KLHL1: variants seen among roughly 807,000 people sequenced by gnomAD.
The protein encoded by KLHL1 is kelch-like protein 1.
KLHL1 carries 47 observed loss-of-function variants against 77.7 expected under a neutral mutation model. That is an observed-to-expected ratio of 0.60 (90% CI 0.48 to 0.77). KLHL1 has a LOEUF of 0.77. Ranked by LOEUF, KLHL1 falls within the 30% of genes least tolerant of loss-of-function variation. KLHL1 has a pLI of 0.00. For synonymous variants in KLHL1, 360 were observed against 325.2 expected, an observed-to-expected ratio of 1.11 and a Z score of -1.15; for missense variants, 925 against 910.8, an observed-to-expected ratio of 1.02 and a Z score of -0.20.
At chr13:70,073,831 TC>T (rs147481435) in intron 1 of KLHL1, among the ~76,000 whole-genome samples, 29,853 of 149,272 alleles carry the variant, frequency 0.2, 3,155 homozygotes, top group Admixed American at 0.27. Flanking sequence ...AACATAATTT[TC>T]TTTTTTTTTT....
At chr13:69,979,291 A>G (rs1356620051) in intron 1 of KLHL1, among the ~76,000 whole-genome samples, 1 of 152,070 alleles carries the variant, frequency 6.6e-6, no homozygotes, top group Non-Finnish European at 1.5e-5. Context: ...TTAATCTTTC[A>G]GATAAATGGT....
At chr13:69,840,891 C>G (rs1018040836) in intron 5 of KLHL1, among the ~76,000 whole-genome samples, 1 of 151,488 alleles carries the variant, frequency 6.6e-6, no homozygotes, top group Non-Finnish European at 1.5e-5. Context: ...TCTTGATCAT[C>G]TGTGTGTCAA....
At chr13:69,852,122 G>A (rs1425396862) in intron 5 of KLHL1, among the ~76,000 whole-genome samples, 3 of 151,794 alleles carry the variant, frequency 2.0e-5, no homozygotes, top group Non-Finnish European at 4.4e-5. Context: ...TAAGAGACAA[G>A]AGTAAGCACG....
intron 1 of KLHL1, among the ~76,000 whole-genome samples, chr13:70,057,505 G>A (rs1343804660): frequency 1.4e-5 from 2 of 145,734 alleles, no homozygotes; most frequent in East Asian, 2.0e-4. Flanking sequence ...GGCCGGGCGC[G>A]GTGGCTCACG....
intron 4 of KLHL1, among the ~76,000 whole-genome samples, chr13:69,909,944 T>A (rs895385807): frequency 5.3e-5 from 8 of 152,112 alleles, no homozygotes; most frequent in African/African-American, 1.9e-4. Flanking sequence ...GCGTCAAGGA[T>A]CCTTTCCTTT....
intron 3 of KLHL1, among the ~76,000 whole-genome samples, chr13:69,950,462 T>C (rs1883671151): frequency 6.6e-6 from 1 of 151,678 alleles, no homozygotes; most frequent in South Asian, 2.1e-4. Flanking sequence ...TTTATGACTC[T>C]GTCCCTAATC....
chr13:69,708,352 G>C (rs1444535495), intron 9 of KLHL1, among the ~76,000 whole-genome samples: 2 of 151,982 alleles, frequency 1.3e-5, no homozygotes, highest in African/African-American at 4.8e-5. Flanking sequence ...AAACAGTTAA[G>C]TAGTGTGACT....
At chr13:69,739,744 C>G (rs918920285) in intron 8 of KLHL1, among the ~76,000 whole-genome samples, 5 of 152,154 alleles carry the variant, frequency 3.3e-5, no homozygotes, top group African/African-American at 1.2e-4. Flanking sequence ...TTTAAAAGAT[C>G]AGACTAGAAG....
chr13:69,849,948 T>C (rs1879618990), intron 5 of KLHL1, among the ~76,000 whole-genome samples: 1 of 151,526 alleles, frequency 6.6e-6, no homozygotes, highest in Non-Finnish European at 1.5e-5. Flanking sequence ...TTAATAATAA[T>C]TATAAATGTT....
chr13:69,713,652 G>T (rs1875980282), intron 9 of KLHL1, among the ~76,000 whole-genome samples: 1 of 152,080 alleles, frequency 6.6e-6, no homozygotes, highest in Non-Finnish European at 1.5e-5. Context: ...TGTCCTAAGA[G>T]AATTCTAAGA....
At chr13:69,939,370 T>TAC (rs1304710067) in intron 4 of KLHL1, among the ~76,000 whole-genome samples, 5 of 89,276 alleles carry the variant, frequency 5.6e-5, no homozygotes, top group East Asian at 2.4e-4. Flanking sequence ...TATATATATA[T>TAC]ATATATATAC....
At chr13:70,089,761 G>A (rs1374564374) in intron 1 of KLHL1, among the ~76,000 whole-genome samples, 1 of 152,100 alleles carries the variant, frequency 6.6e-6, no homozygotes, top group Non-Finnish European at 1.5e-5. Context: ...AAGAGACCAT[G>A]TACTTGCCTC....
intron 8 of KLHL1, among the ~76,000 whole-genome samples, chr13:69,740,109 AC>A (rs1295016959): frequency 6.6e-6 from 1 of 152,128 alleles, no homozygotes; most frequent in Admixed American, 6.6e-5. Context: ...TGAACACCAA[AC>A]TTTTAGTAGT....
chr13:69,977,784 T>C (rs1256578813), intron 1 of KLHL1, among the ~76,000 whole-genome samples: 1 of 152,120 alleles, frequency 6.6e-6, no homozygotes, highest in African/African-American at 2.4e-5. Flanking sequence ...GCCTTACCAG[T>C]AAAGTGTAAA....
At chr13:69,703,787 ATACT>A (rs1875506755) in intron 10 of KLHL1, among the ~76,000 whole-genome samples, 2 of 151,768 alleles carry the variant, frequency 1.3e-5, no homozygotes, top group South Asian at 2.1e-4. Context: ...TTACGGTAAC[ATACT>A]TATATAGCTT....
At chr13:70,069,754 T>C (rs1467982560) in intron 1 of KLHL1, among the ~76,000 whole-genome samples, 1 of 152,166 alleles carries the variant, frequency 6.6e-6, no homozygotes, top group Admixed American at 6.5e-5. Flanking sequence ...TGAAGATATG[T>C]CGATTTAATC....
chr13:69,915,344 A>G (rs1373791516), intron 4 of KLHL1, among the ~76,000 whole-genome samples: 1 of 152,192 alleles, frequency 6.6e-6, no homozygotes, highest in Non-Finnish European at 1.5e-5. Context: ...TTCAAACTAT[A>G]CTACAAGGCT....
chr13:69,923,541 C>T (rs552948630), intron 4 of KLHL1, among the ~76,000 whole-genome samples: 2 of 152,148 alleles, frequency 1.3e-5, no homozygotes, highest in East Asian at 1.9e-4. Context: ...TTTTAAAGTG[C>T]CATCTTGAAT....
chr13:69,823,433 A>G (rs993158267), intron 6 of KLHL1, among the ~76,000 whole-genome samples: 1 of 152,028 alleles, frequency 6.6e-6, no homozygotes, highest in Non-Finnish European at 1.5e-5. Flanking sequence ...TCTAAAGTCT[A>G]TATATAAGCC....
Sources: gnomAD v4.1 joint callset for allele counts (sites outside exome capture counted in the v4.1 genomes callset) on GRCh38, gnomAD v4.1.1 for gene constraint, MANE v1.5 for transcripts, NCBI Gene and HGNC (gene_info 2026-07-23, HGNC 2026-07-21) for gene names.